TCERG1: variants seen among roughly 807,000 people sequenced by gnomAD.
TCERG1 encodes transcription elongation regulator 1.
A neutral mutation model predicts 144.7 loss-of-function variants in TCERG1; 37 were observed. The observed-to-expected ratio is 0.26, with a 90% confidence interval of 0.20 to 0.34. The LOEUF (loss-of-function observed/expected upper bound fraction) is 0.34, where lower values mean the gene tolerates loss of function less well. TCERG1 is among the 10% of genes least tolerant of loss of function. TCERG1 has a pLI of 1.00. For missense variants in TCERG1, 1,027 were observed against 1,380.7 expected (o/e 0.74, Z 4.06); for synonymous variants, 492 against 458.2 (o/e 1.07, Z -0.94).
intron 17 of TCERG1, among the ~76,000 whole-genome samples, chr5:146,501,175 A>G (rs1239926053): frequency 6.6e-6 from 1 of 152,184 alleles, no homozygotes; most frequent in African/African-American, 2.4e-5. Flanking sequence ...GAGTTAATAC[A>G]CTGTTACAAA....
chr5:146,506,310 A>G (rs1008676462), intron 19 of TCERG1, among the ~76,000 whole-genome samples: 7 of 152,146 alleles, frequency 4.6e-5, no homozygotes, highest in Non-Finnish European at 8.8e-5. Flanking sequence ...AATGAAGCAT[A>G]TCTTTTTGCT....
Position 146,498,689 on chromosome 5 carries a change from A to G in TCERG1, c.2433+3A>G. On this transcript the variant is annotated splice_donor_region_variant and intron_variant, in intron 17 of 22. Transcript: ENST00000679501. ...ATTCGAAGACCAGAGGTGAGAAGGT[A>G]AGATGGTTTTAGTTCCAGTGGTGTG... The G allele has an allele frequency of 1.2e-6, 2 of 1,606,882 alleles. No individual in the cohort carries two copies. The highest frequency in any genetic ancestry group is 1.7e-6 in the Non-Finnish European group (2 of 1,177,450).
chr5:146,451,236 C>G (rs1325031171), intron 1 of TCERG1, among the ~76,000 whole-genome samples: 1 of 151,774 alleles, frequency 6.6e-6, no homozygotes, highest in Non-Finnish European at 1.5e-5. Context: ...TTGGACATTC[C>G]TTCAGTAACA....
chr5:146,455,975 C>T (rs1005557617), intron 2 of TCERG1, among the ~76,000 whole-genome samples: 58 of 152,234 alleles, frequency 3.8e-4, no homozygotes, highest in African/African-American at 1.4e-3. Context: ...GAGTATGTAT[C>T]TATGTTTTCT....
intron 1 of TCERG1, 92 bp downstream of exon 1, chr5:146,447,500 T>C (rs907540027): frequency 6.7e-7 from 1 of 1,501,408 alleles, no homozygotes; most frequent in African/African-American, 1.4e-5. Flanking sequence ...GGGCGGACGG[T>C]GGGTAGCGGA....
intron 16 of TCERG1, among the ~76,000 whole-genome samples, 194 bp from the exon 17 acceptor site, chr5:146,498,342 C>T (rs1040095567): frequency 1.3e-5 from 2 of 151,600 alleles, no homozygotes; most frequent in African/African-American, 4.9e-5. Flanking sequence ...TGATAGCATA[C>T]AAATCCCTTA....
intron 3 of TCERG1, among the ~76,000 whole-genome samples, chr5:146,458,532 G>A (rs1003512714): frequency 6.6e-6 from 1 of 151,306 alleles, no homozygotes; most frequent in South Asian, 2.1e-4. Context: ...GAGTGCAGTG[G>A]TATGATCTCG....
chr5:146,483,678 A>G (rs367759157), intron 15 of TCERG1, 49 bp downstream of exon 15: 773 of 1,306,684 alleles, frequency 5.9e-4, no homozygotes, highest in Non-Finnish European at 7.6e-4. Context: ...TTGCCAACAT[A>G]GTTTTTAAAT....
intron 5 of TCERG1, among the ~76,000 whole-genome samples, chr5:146,464,757 CA>C (rs982446368): frequency 1.3e-5 from 2 of 152,170 alleles, no homozygotes; most frequent in African/African-American, 4.8e-5. Context: ...CTCAAGTTCA[CA>C]TTCCATCCAC....
Position 146,483,580 on chromosome 5 carries a change from T to A in TCERG1, c.2114T>A (p.Ile705Lys). The A allele has an allele frequency of 6.2e-7, 1 of 1,612,862 alleles. No individual in the cohort carries two copies. The highest frequency in any genetic ancestry group is 2.2e-5 in the East Asian group (1 of 44,768). Residue 705 changes from isoleucine (I) to lysine (K), a missense_variant, in exon 15 of 23, where the codon ATA becomes AAA. Physicochemically the swap from Ile to Lys is moderately radical, Grantham distance 102. Transcript: ENST00000679501. ...ACGTGGGAGAAGGAGTTGCACAAGATAGTTTTTGATCCCCGGTACTTACTT... is the reference window on the plus strand; with the variant it reads ...ACGTGGGAGAAGGAGTTGCACAAGAAAGTTTTTGATCCCCGGTACTTACTT... ...FSTWEKELHK[I>K]VFDPRYLLLN...
At position 146,510,736 on chromosome 5, in the gene TCERG1, C is replaced by T. The variant is rs775153904; in HGVS notation, c.*94C>T. 3.3e-5 allele frequency: 39 copies of T among 1,194,514 alleles called. No homozygotes were observed. Among genetic ancestry groups the T allele is most frequent in the Non-Finnish European group, 4.0e-5 (35 of 869,114 alleles). 74.0% of individuals were successfully genotyped at this position (1,194,514 alleles called of 1,614,324 possible). On this transcript the variant is annotated 3_prime_UTR_variant, in exon 23 of 23. Coordinates refer to ENST00000679501, the MANE Select transcript of TCERG1 (RefSeq NM_001382548.1). The stretch of plus-strand genomic sequence containing the variant: ...TATATGTGCATTAGTCAACCTATTG[C>T]GAAACCATCTGACAAACAGAAGGAG...
chr5:146,470,448 A>T (rs1764184145), intron 7 of TCERG1, among the ~76,000 whole-genome samples, 188 bp from the exon 8 acceptor site: 1 of 152,230 alleles, frequency 6.6e-6, no homozygotes, highest in African/African-American at 2.4e-5. Flanking sequence ...TCAGATAGTT[A>T]CCTGATTGGT....
chr5:146,490,122 A>G (rs1302542715), intron 15 of TCERG1, among the ~76,000 whole-genome samples: 2 of 152,204 alleles, frequency 1.3e-5, no homozygotes, highest in Non-Finnish European at 2.9e-5. Context: ...TTCAGCATGC[A>G]AATACTTTCA....
chr5:146,501,327 A>G (rs1277701388), intron 17 of TCERG1, among the ~76,000 whole-genome samples: 2 of 142,160 alleles, frequency 1.4e-5, no homozygotes, highest in African/African-American at 5.2e-5. Flanking sequence ...TGCAGCTGTC[A>G]GGCAATTGTT....
At chr5:146,480,967 CTT>C (rs139278386) in intron 12 of TCERG1, among the ~76,000 whole-genome samples, 181 bp from the exon 13 acceptor site, 1 of 141,390 alleles carries the variant, frequency 7.1e-6, no homozygotes, top group African/African-American at 2.6e-5. Flanking sequence ...TGATTTTGTG[CTT>C]TTTTTTTAAA....
At chr5:146,465,430 A>G (rs1485244172) in intron 5 of TCERG1, among the ~76,000 whole-genome samples, 1 of 152,198 alleles carries the variant, frequency 6.6e-6, no homozygotes, top group Non-Finnish European at 1.5e-5. Flanking sequence ...ATGTATTTCT[A>G]TAGAAAGTAG....
chr5:146,497,115 A>G (rs1011834142), intron 16 of TCERG1, among the ~76,000 whole-genome samples: 1 of 151,210 alleles, frequency 6.6e-6, no homozygotes, highest in African/African-American at 2.4e-5. Context: ...CAACTGATCC[A>G]CCTGCCTTGG....
chr5:146,475,492 A>G (rs1764753970), intron 9 of TCERG1, among the ~76,000 whole-genome samples: 1 of 152,176 alleles, frequency 6.6e-6, no homozygotes, highest in African/African-American at 2.4e-5. Context: ...CCTATTATGC[A>G]CTGGACTGCT....
At chr5:146,474,473 A>G (rs1764642787) in intron 9 of TCERG1, among the ~76,000 whole-genome samples, 3 of 152,212 alleles carry the variant, frequency 2.0e-5, no homozygotes, top group Non-Finnish European at 4.4e-5. Context: ...AGAATATTAC[A>G]TAAACTTGGT....
Sources: allele counts gnomAD v4.1 joint callset (sites outside exome capture counted in the v4.1 genomes callset), GRCh38; gene constraint gnomAD v4.1.1; transcripts MANE v1.5; gene names NCBI Gene and HGNC (gene_info 2026-07-23, HGNC 2026-07-21).